ZNF544: variants seen among roughly 807,000 people sequenced by gnomAD.
ZNF544 encodes zinc finger protein 544.
ZNF544 carries 10 observed loss-of-function variants against 13.5 expected under a neutral mutation model. The observed-to-expected ratio is 0.74, with a 90% CI of 0.46 to 1.25. The LOEUF is 1.25. ZNF544 is among the 50% of genes most tolerant of loss of function. The pLI, the probability that ZNF544 is intolerant of heterozygous loss-of-function variation, is 0.00. For missense variants in ZNF544, 896 were observed against 845.6 expected (o/e 1.06, Z -0.74); for synonymous variants, 323 against 300.5 (o/e 1.07, Z -0.77).
intron 6 of ZNF544, chr19:58,277,099 C>T (rs2051278345): frequency 1.9e-6 from 2 of 1,032,924 alleles, no homozygotes; most frequent in Non-Finnish European, 2.5e-6. Flanking sequence ...GGTCTGGTCT[C>T]ATGAGGCCTA....
chr19:58,236,046 G>A (rs2042310180), intron 3 of ZNF544, among the ~76,000 whole-genome samples: 1 of 149,284 alleles, frequency 6.7e-6, no homozygotes, highest in African/African-American at 2.5e-5. Context: ...GGTAACAAGA[G>A]TGAAACTCTG....
At position 58,232,658 on chromosome 19, in the gene ZNF544, G is replaced by A. The variant is rs578124231; in HGVS notation, c.-60+2196G>A. Among the ~76,000 whole-genome samples the A allele has an allele frequency of 1.1e-3, 161 of 151,334 alleles. 1 individual carries two copies. Among genetic ancestry groups the A allele is most frequent in the Non-Finnish European group, 2.2e-3 (147 of 67,790 alleles). Reference sequence around the variant, plus strand: ...ATAAAGACATATCCGGGCCGGGCGCGGTGGCTCACGCCTGTAATCCCAGCA... The same window carrying A: ...ATAAAGACATATCCGGGCCGGGCGCAGTGGCTCACGCCTGTAATCCCAGCA... On this transcript the variant is annotated intron_variant, in intron 3 of 6. Coordinates refer to ENST00000687789, the MANE Select transcript of ZNF544 (RefSeq NM_014480.4).
chr19:58,269,631 AGAT>A (rs2050380163), intron 5 of ZNF544, among the ~76,000 whole-genome samples: 1 of 129,582 alleles, frequency 7.7e-6, no homozygotes, highest in South Asian at 2.5e-4. Context: ...AAAAAAAAAA[AGAT>A]GGCAGGGCTG....
rs186438322 is a variant in ZNF544 at position 58,269,135 on chromosome 19, G to A, written c.245-7188G>A. On this transcript the variant is annotated intron_variant, in intron 5 of 6. Transcript: ENST00000595981. ...CATCGTGGAAAACTGAGAACACCACGACTAAAAACAGATGGCAGGCTGGGC... is the reference window on the plus strand; with the variant it reads ...CATCGTGGAAAACTGAGAACACCACAACTAAAAACAGATGGCAGGCTGGGC... Among the ~76,000 whole-genome samples, 280 of 152,268 alleles carry A rather than the reference G, an allele frequency of 1.8e-3. 1 individual carries two copies. The highest frequency in any genetic ancestry group is 3.1e-3 in the Non-Finnish European group (214 of 68,014).
intron 3 of ZNF544, among the ~76,000 whole-genome samples, chr19:58,233,919 A>G (rs2041870100): frequency 6.6e-6 from 1 of 152,202 alleles, no homozygotes; most frequent in South Asian, 2.1e-4. Flanking sequence ...GAAAAGATAT[A>G]AACTTTCCCA....
intron 6 of ZNF544, among the ~76,000 whole-genome samples, chr19:58,249,541 C>A (rs915891052): frequency 6.6e-6 from 1 of 152,124 alleles, no homozygotes; most frequent in Admixed American, 6.5e-5. Flanking sequence ...ATGGGCTGGC[C>A]AGAGGAAGGA....
intron 3 of ZNF544, among the ~76,000 whole-genome samples, chr19:58,232,121 A>G (rs1221800642): frequency 2.0e-5 from 3 of 152,100 alleles, no homozygotes; most frequent in Non-Finnish European, 4.4e-5. Flanking sequence ...TAGTTCTCAC[A>G]GTAAATGTGA....
chr19:58,241,179 A>ATATATATATATATATATATATATTTTT (rs1181835768), intron 3 of ZNF544, among the ~76,000 whole-genome samples: 1 of 72,768 alleles, frequency 1.4e-5, no homozygotes. Flanking sequence ...ATATATATAT[A>ATATATATATATATATATATATATTTTT]TTTTTTTTTT....
chr19:58,241,182 T>TAAA (rs1490534373), intron 3 of ZNF544, among the ~76,000 whole-genome samples: 3 of 66,322 alleles, frequency 4.5e-5, no homozygotes, highest in Admixed American at 1.5e-4. Flanking sequence ...TATATATATT[T>TAAA]TTTTTTTTTT....
Position 58,261,902 on chromosome 19 carries a change from A to G in ZNF544, c.1296A>G (p.Gly432=). 6.2e-7 allele frequency: 1 copy of G among 1,613,326 alleles called. No homozygotes were observed. The highest frequency in any genetic ancestry group is 8.5e-7 in the Non-Finnish European group (1 of 1,179,866). ...KLITHQRIHT[G]EKPYQCIECR... is the part of the protein sequence containing the mutation. ...TTACACATCAGCGAATTCACACTGG[A>G]GAAAAACCGTATCAGTGTATTGAAT... Residue 432 remains glycine (G), a synonymous_variant, in exon 7 of 7, where the codon GGA becomes GGG. Coordinates refer to ENST00000687789, the MANE Select transcript of ZNF544 (RefSeq NM_014480.4).
chr19:58,250,785 T>C lies in ZNF544; in HGVS notation c.244+3991T>C, dbSNP rs190643465. Among the ~76,000 whole-genome samples, 91 of 152,312 alleles carry C rather than the reference T, an allele frequency of 6.0e-4. 1 individual carries two copies. The Middle Eastern group carries it at 0.017, about 28-fold the overall frequency. ...CCTGTCATCGTAGTTCATGTTTTTT[T>C]CCCCAAGGCCAAAGATTGGGCTGGG... On this transcript the variant is annotated intron_variant, in intron 6 of 6. Transcript: ENST00000687789.
At chr19:58,249,021 A>T (rs184514489) in intron 6 of ZNF544, among the ~76,000 whole-genome samples, 1 of 152,346 alleles carries the variant, frequency 6.6e-6, no homozygotes, top group Admixed American at 6.5e-5. Flanking sequence ...AAACTAGGCC[A>T]GTGACCAGTC....
chr19:58,242,885 G>A (rs986084094), intron 3 of ZNF544, among the ~76,000 whole-genome samples: 3 of 152,114 alleles, frequency 2.0e-5, no homozygotes, highest in East Asian at 1.9e-4. Flanking sequence ...TTTTAGTAGA[G>A]ACGGTTTCAC....
At chr19:58,251,540 T>C (rs1568482269) in intron 6 of ZNF544, among the ~76,000 whole-genome samples, 1 of 152,242 alleles carries the variant, frequency 6.6e-6, no homozygotes, top group Non-Finnish European at 1.5e-5. Context: ...ACCTTGTCTG[T>C]TGGCCTGATT....
At chr19:58,276,791 A>G (rs1239863878) in intron 6 of ZNF544, among the ~76,000 whole-genome samples, 2 of 152,210 alleles carry the variant, frequency 1.3e-5, no homozygotes, top group African/African-American at 2.4e-5. Context: ...GAATTTTAAC[A>G]AATTTGGTTA....
chr19:58,228,918 G>A lies in ZNF544; in HGVS notation c.-260G>A, dbSNP rs547724932. 1 of 152,428 alleles carries A rather than the reference G, an allele frequency of 6.6e-6. No individual in the cohort carries two copies. The highest frequency in any genetic ancestry group is 2.1e-4 in the South Asian group (1 of 4,832). 9.4% of individuals were successfully genotyped at this position (152,428 alleles called of 1,614,324 possible). A position where few individuals can be genotyped will look rare whatever the true frequency, so the allele number is the denominator to read the frequency against. On this transcript the variant is annotated 5_prime_UTR_variant, in exon 1 of 7. Coordinates refer to ENST00000687789, the MANE Select transcript of ZNF544 (RefSeq NM_014480.4). ...GCGCGGGCACGTCCGCCGGCCACCGGAAGCACCGCCATTGGCCGGTGCGTG... is the reference window on the plus strand; with the variant it reads ...GCGCGGGCACGTCCGCCGGCCACCGAAAGCACCGCCATTGGCCGGTGCGTG...
At chr19:58,272,382 C>T (rs1172883392) in intron 5 of ZNF544, among the ~76,000 whole-genome samples, 1 of 151,898 alleles carries the variant, frequency 6.6e-6, no homozygotes, top group Non-Finnish European at 1.5e-5. Context: ...GGCAACATGG[C>T]AGGACTCTGT....
chr19:58,270,313 T>TTTTTTTTTTTTTTTTTTTG, intron 5 of ZNF544, among the ~76,000 whole-genome samples: 1 of 149,300 alleles, frequency 6.7e-6, no homozygotes, highest in South Asian at 2.1e-4. Flanking sequence ...GCTTTTTTTT[T>TTTTTTTTTTTTTTTTTTTG]CTTTTTTTTT....
At chr19:58,264,692 AAAAAAC>A (rs1369714940), downstream of ZNF544, among the ~76,000 whole-genome samples, 2 of 151,566 alleles carry the variant, frequency 1.3e-5, no homozygotes, top group African/African-American at 2.4e-5. Context: ...CTGTGTCTCA[AAAAAAC>A]AAACAAACAA....
Sources: gnomAD v4.1 joint callset for allele counts (sites outside exome capture counted in the v4.1 genomes callset) on GRCh38, gnomAD v4.1.1 for gene constraint, MANE v1.5 for transcripts, NCBI Gene and HGNC (gene_info 2026-07-23, HGNC 2026-07-21) for gene names.